Variants in IL15RA observed in about 807,000 individuals in gnomAD.
IL15RA encodes interleukin-15 receptor subunit alpha.
IL15RA carries 26 observed loss-of-function variants against 24.2 expected under a neutral mutation model. The observed-to-expected ratio is 1.07, with a 90% CI of 0.79 to 1.49. The LOEUF is 1.49. IL15RA is among the 40% of genes most tolerant of loss of function. IL15RA has a pLI of 0.00. For missense variants in IL15RA, 354 were observed against 356.4 expected (o/e 0.99, Z 0.05); for synonymous variants, 166 against 157.6 (o/e 1.05, Z -0.40).
chr10:5,960,474 G>A lies in IL15RA; in HGVS notation c.476C>T (p.Ser159Phe). The change falls in exon 4 of 7, where the codon TCC becomes TTC. Residue 159 changes from serine to phenylalanine, a missense_variant. Ser to Phe is a radical substitution (Grantham distance 155, BLOSUM62 -2). Coordinates refer to ENST00000379977, the MANE Select transcript of IL15RA (RefSeq NM_002189.4). This position sits in a 1 kb window ranked among gnomAD's most constrained non-coding sequence, Gnocchi z 5.1. Reference protein sequence around the residue: ...GSQLMPSKSPSTGTTEISSHE... With the variant: ...GSQLMPSKSPFTGTTEISSHE... ...ACTGCTTATCTCTGTGGTTCCTGTG[G>A]AAGGTGATTTTGAAGGCATCAGCTG... 1 of 1,614,176 alleles carries A rather than the reference G, an allele frequency of 6.2e-7. No homozygotes were observed. The highest frequency in any genetic ancestry group is 8.5e-7 in the Non-Finnish European group (1 of 1,180,010).
chr10:5,969,255 A>C lies in IL15RA; in HGVS notation c.89-2916T>G, dbSNP rs573135779. 6.0e-4 allele frequency among the ~76,000 whole-genome samples: 90 copies of C among 150,314 alleles called. No individual in the cohort carries two copies. In the South Asian group the frequency reaches 0.018, roughly 30 times the overall value. On this transcript the variant is annotated intron_variant, in intron 1 of 6. Transcript: ENST00000379977. ...TTAAATTAAATTAATTTTTTAAATT[A>C]AATTTTTAAATTTAATTAAAATTTT...
In IL15RA at chr10:5,970,003, T is replaced by C. The variant is rs1589241669; in HGVS notation, c.89-3664A>G. 1.3e-5 allele frequency among the ~76,000 whole-genome samples: 2 copies of C among 152,222 alleles called. No homozygotes were observed. The highest frequency in any genetic ancestry group is 3.8e-4 in the East Asian group (2 of 5,206). ...AGTATTTTGCATATTGATTTTTTGG[T>C]GTCTTGACTCTGTATTCTGCACCCT... On this transcript the variant is annotated intron_variant, in intron 1 of 6. Transcript: ENST00000379977. The surrounding 1 kb of genome is among the most constrained non-coding windows in gnomAD (Gnocchi z 4.1).
intron 1 of IL15RA, among the ~76,000 whole-genome samples, chr10:5,969,229 ATTAAATTAAATTAATTTT>A (rs1311598398): frequency 1.3e-5 from 2 of 151,136 alleles, no homozygotes; most frequent in Admixed American, 1.3e-4. Context: ...TTGTTTTTAA[ATTAAATTAAATTAATTTT>A]TTAAATTAAA....
At position 5,977,466 on chromosome 10, in the gene IL15RA, G is replaced by C; in HGVS notation, c.27C>G (p.Cys9Trp). 7.4e-7 allele frequency: 1 copy of C among 1,359,368 alleles called. No homozygotes were observed. Among genetic ancestry groups the C allele is most frequent in the Non-Finnish European group, 9.5e-7 (1 of 1,058,046 alleles). The allele number at this position is 1,359,368 out of a possible 1,614,324, so 84.2% of individuals were successfully genotyped here. ...GCAGCGCCGGGAGACCGAGGGTCCG[G>C]CAGCCGCGCGCCCGCCGCGGGGCCA... is the stretch of plus-strand genomic sequence containing the variant. MAPRRARG[C>W]RTLGLPALLL... Residue 9 changes from cysteine to tryptophan, a missense_variant, in exon 1 of 7, where the codon TGC becomes TGG. Physicochemically the swap from Cys to Trp is radical, Grantham distance 215. Transcript: ENST00000379977.
At chr10:5,949,405 T>A (rs1429435253), downstream of IL15RA, 2 of 469,770 alleles carry the variant, frequency 4.3e-6, no homozygotes, top group Admixed American at 4.7e-5. The surrounding 1 kb of genome is among the most constrained non-coding windows in gnomAD (Gnocchi z 4.4). Context: ...ACCTAAAATA[T>A]GCACACATTG....
chr10:5,972,329 C>A (rs958225039), intron 1 of IL15RA, among the ~76,000 whole-genome samples: 1 of 152,112 alleles, frequency 6.6e-6, no homozygotes, highest in South Asian at 2.1e-4. Context: ...TGAGGAGTTT[C>A]ATATATATTT....
At position 5,968,891 on chromosome 10, in the gene IL15RA, G is replaced by T; in HGVS notation, c.89-2552C>A. 1.5e-6 allele frequency: 2 copies of T among 1,349,948 alleles called. No homozygotes were observed. Among genetic ancestry groups the T allele is most frequent in the South Asian group, 1.2e-5 (1 of 80,316 alleles). 83.6% of individuals were successfully genotyped at this position (1,349,948 alleles called of 1,614,324 possible). ...CATGGTTGAAGCTTTCAGATATTCT[G>T]CTCCTTCCCGCCAGGACAGCCAGCC... is the stretch of plus-strand genomic sequence containing the variant. On this transcript the variant is annotated intron_variant, in intron 1 of 6. Coordinates refer to ENST00000379977, the MANE Select transcript of IL15RA (RefSeq NM_002189.4). The surrounding 1 kb of genome is among the most constrained non-coding windows in gnomAD (Gnocchi z 5.4).
Position 5,970,193 on chromosome 10 carries a change from T to A in IL15RA, c.89-3854A>T, listed in dbSNP as rs1837344788. ...CTAGTTTAGTGGTTGTTTTAGGGTG[T>A]CCACTATATATCTTTACCTTATCAC... On this transcript the variant is annotated intron_variant, in intron 1 of 6. Transcript: ENST00000379977. The surrounding 1 kb of genome is among the most constrained non-coding windows in gnomAD (Gnocchi z 4.1). Among the ~76,000 whole-genome samples, 1 of 152,178 alleles carries A rather than the reference T, an allele frequency of 6.6e-6. No homozygotes were observed. The highest frequency in any genetic ancestry group is 1.5e-5 in the Non-Finnish European group (1 of 68,034).
In IL15RA at chr10:5,968,497, A is replaced by G. The variant is rs570360122; in HGVS notation, c.89-2158T>C. On this transcript the variant is annotated intron_variant, in intron 1 of 6. Transcript: ENST00000379977. The surrounding 1 kb of genome is among the most constrained non-coding windows in gnomAD (Gnocchi z 5.4). The stretch of plus-strand genomic sequence containing the variant: ...GTGGCCGCCACTACTCCCCATTCCA[A>G]TGAGGACACATCTTCTGCTAAGCTG... The G allele has an allele frequency of 2.9e-4, 127 of 431,718 alleles. No homozygotes were observed. The highest frequency in any genetic ancestry group is 1.9e-3 in the South Asian group (68 of 35,112). The allele number at this position is 431,718 out of a possible 1,614,324, so 26.7% of individuals were successfully genotyped here. A position where few individuals can be genotyped will look rare whatever the true frequency, so the allele number is the denominator to read the frequency against.
Position 5,967,903 on chromosome 10 carries a change from C to CA in IL15RA, c.89-1565dup, listed in dbSNP as rs1472258535. Among the ~76,000 whole-genome samples, 4 of 151,952 alleles carry CA rather than the reference C, an allele frequency of 2.6e-5. No individual in the cohort carries two copies. The highest frequency in any genetic ancestry group is 2.0e-4 in the Admixed American group (3 of 15,236). Reference sequence around the variant, plus strand: ...GTGAAAGCCCGTCTCTACTAAAATACAAAAAATTAGCTGGATGTGGTGGTG... The same window carrying CA: ...GTGAAAGCCCGTCTCTACTAAAATACAAAAAAATTAGCTGGATGTGGTGGTG... On this transcript the variant is annotated intron_variant, in intron 1 of 6. Coordinates refer to ENST00000379977, the MANE Select transcript of IL15RA (RefSeq NM_002189.4). The surrounding 1 kb of genome is among the most constrained non-coding windows in gnomAD (Gnocchi z 4.4).
At chr10:5,951,049 G>C (rs1228188425), downstream of IL15RA, among the ~76,000 whole-genome samples, 1 of 149,330 alleles carries the variant, frequency 6.7e-6, no homozygotes, top group Non-Finnish European at 1.5e-5. Flanking sequence ...GGCTGAGGCA[G>C]GAGAATGGCA....
At position 5,966,349 on chromosome 10, in the gene IL15RA, T is replaced by G; in HGVS notation, c.89-10A>C. ...GGAGGGCACGTGATGCCTGCGAAAG[T>G]GCAGAGGACAGGGGACGGTGAAGAG... On this transcript the variant is annotated splice_polypyrimidine_tract_variant and intron_variant, in intron 1 of 6. Transcript: ENST00000379977. The surrounding 1 kb of genome is among the most constrained non-coding windows in gnomAD (Gnocchi z 6.4). 3 of 1,601,926 alleles carry G rather than the reference T, an allele frequency of 1.9e-6. No individual in the cohort carries two copies. The highest frequency in any genetic ancestry group is 4.5e-5 in the East Asian group (2 of 44,504).
In IL15RA at chr10:5,977,476, G is replaced by A; in HGVS notation, c.17C>T (p.Ala6Val). 7.4e-7 allele frequency: 1 copy of A among 1,356,078 alleles called. No homozygotes were observed. The highest frequency in any genetic ancestry group is 9.5e-7 in the Non-Finnish European group (1 of 1,056,202). The allele number at this position is 1,356,078 out of a possible 1,614,324, so 84.0% of individuals were successfully genotyped here. ...GAGACCGAGGGTCCGGCAGCCGCGCGCCCGCCGCGGGGCCATGGCGGCAGC... is the reference window on the plus strand; with the variant it reads ...GAGACCGAGGGTCCGGCAGCCGCGCACCCGCCGCGGGGCCATGGCGGCAGC... MAPRR[A>V]RGCRTLGLPA... Residue 6 changes from alanine (A) to valine (V), a missense_variant, in exon 1 of 7, where the codon GCG (alanine) becomes GTG (valine). Ala to Val is a moderately conservative substitution (Grantham distance 64). Coordinates refer to ENST00000379977, the MANE Select transcript of IL15RA (RefSeq NM_002189.4).
At position 5,956,414 on chromosome 10, in the gene IL15RA, G is replaced by GCT. The variant is rs1564487195; in HGVS notation, c.655_656dup (p.Ser219ArgfsTer32). On this transcript the variant is annotated frameshift_variant, in exon 6 of 7. Transcript: ENST00000379977. LOFTEE classifies it low-confidence loss of function (END_TRUNC). ...GGTAGCATGCCAGGAGAGACACAGC[G>GCT]CTCAGCCCACACAGCAGGACAGTGG... 6.2e-7 allele frequency: 1 copy of GCT among 1,613,994 alleles called. No individual in the cohort carries two copies. The highest frequency in any genetic ancestry group is 8.5e-7 in the Non-Finnish European group (1 of 1,179,900).
chr10:5,971,704 C>T lies in IL15RA; in HGVS notation c.89-5365G>A, dbSNP rs1316881552. 6.6e-6 allele frequency among the ~76,000 whole-genome samples: 1 copy of T among 152,244 alleles called. No homozygotes were observed. Among genetic ancestry groups the T allele is most frequent in the African/African-American group, 2.4e-5 (1 of 41,464 alleles). The stretch of plus-strand genomic sequence containing the variant: ...GCAAAGGCCTCTGGCCTCACAGTCA[C>T]CCATCACCTTCCTTCCTTATTTTCC... On this transcript the variant is annotated intron_variant, in intron 1 of 6. Coordinates refer to ENST00000379977, the MANE Select transcript of IL15RA (RefSeq NM_002189.4). The surrounding 1 kb of genome is among the most constrained non-coding windows in gnomAD (Gnocchi z 5.5).
At position 5,973,171 on chromosome 10, in the gene IL15RA, G is replaced by T. The variant is rs1049701737; in HGVS notation, c.88+4234C>A. ...CATAATGGACGCCCCTGCACATCAG[G>T]CCTTTTAAATAAGAACAGACTGGCA... On this transcript the variant is annotated intron_variant, in intron 1 of 6. Transcript: ENST00000379977. The surrounding 1 kb of genome is among the most constrained non-coding windows in gnomAD (Gnocchi z 4.5). Among the ~76,000 whole-genome samples the T allele has an allele frequency of 6.6e-6, 1 of 152,174 alleles. No individual in the cohort carries two copies. Among genetic ancestry groups the T allele is most frequent in the Non-Finnish European group, 1.5e-5 (1 of 68,046 alleles).
upstream of IL15RA, chr10:5,977,942 C>A (rs948687419): frequency 8.7e-6 from 2 of 230,136 alleles, no homozygotes; most frequent in African/African-American, 2.3e-5. Flanking sequence ...CCTCGCCCGG[C>A]GCTGGTCGCC....
chr10:5,962,205 C>T lies in IL15RA; in HGVS notation c.382+1538G>A, dbSNP rs1303242412. Among the ~76,000 whole-genome samples, 1 of 152,186 alleles carries T rather than the reference C, an allele frequency of 6.6e-6. No individual in the cohort carries two copies. Among genetic ancestry groups the T allele is most frequent in the Non-Finnish European group, 1.5e-5 (1 of 68,038 alleles). On this transcript the variant is annotated intron_variant, in intron 3 of 6. Transcript: ENST00000379977. The surrounding 1 kb of genome is among the most constrained non-coding windows in gnomAD (Gnocchi z 5.2). The stretch of plus-strand genomic sequence containing the variant: ...TTTAAATGGAGCCAGCCCCTCAACC[C>T]CTTCCTCCCTGTGCAGGTGACTCAC...
In IL15RA at chr10:5,964,577, G is replaced by A. The variant is rs935831215; in HGVS notation, c.284-736C>T. On this transcript the variant is annotated intron_variant, in intron 2 of 6. Transcript: ENST00000379977. The surrounding 1 kb of genome is among the most constrained non-coding windows in gnomAD (Gnocchi z 5.6). ...AACGTGGAAGGATCCTTTGGGCTAGGTGAAACCTAAAGAGGCCTCCAGTCT... is the reference window on the plus strand; with the variant it reads ...AACGTGGAAGGATCCTTTGGGCTAGATGAAACCTAAAGAGGCCTCCAGTCT... Among the ~76,000 whole-genome samples, 3 of 152,178 alleles carry A rather than the reference G, an allele frequency of 2.0e-5. No homozygotes were observed. Among genetic ancestry groups the A allele is most frequent in the Non-Finnish European group, 2.9e-5 (2 of 68,040 alleles).
Sources: allele counts gnomAD v4.1 joint callset (sites outside exome capture counted in the v4.1 genomes callset), GRCh38; gene constraint gnomAD v4.1.1; non-coding constraint Gnocchi (gnomAD v3.1); transcripts MANE v1.5; gene names NCBI Gene and HGNC (gene_info 2026-07-23, HGNC 2026-07-21).